TXNDC2: variants seen among roughly 807,000 people sequenced by gnomAD.
TXNDC2 encodes the protein thioredoxin domain-containing protein 2.
A neutral mutation model predicts 0.4 loss-of-function variants in TXNDC2; 1 was observed. The ratio of observed to expected loss-of-function variants is 2.30; its 90% CI spans 0.82 to 10.89. TXNDC2 has a LOEUF of 10.89. Among genes scored for constraint, TXNDC2 ranks in the 30% most tolerant of loss-of-function variants. The pLI is 0.12. For missense variants in TXNDC2, 509 were observed against 579.8 expected (o/e 0.88, Z 1.25); for synonymous variants, 183 against 224.6 (o/e 0.81, Z 1.66).
chr18:9,888,296 G>A lies in TXNDC2; in HGVS notation c.*155G>A, dbSNP rs904406031. ...TTAACTCTACCCTTTTCAAAAAACA[G>A]TCCAAGCATTAAAGTACATTGCGAC... On this transcript the variant is annotated 3_prime_UTR_variant, in exon 2 of 2. Transcript: ENST00000357775. The A allele has an allele frequency of 3.2e-6, 2 of 617,110 alleles. No individual in the cohort carries two copies. The highest frequency in any genetic ancestry group is 5.5e-5 in the East Asian group (2 of 36,362). 38.2% of individuals were successfully genotyped at this position (617,110 alleles called of 1,614,324 possible).
Position 9,886,549 on chromosome 18 carries a change from A to G in TXNDC2, c.-92-40A>G, listed in dbSNP as rs1567882049. On this transcript the variant is annotated intron_variant, in intron 1 of 1. Transcript: ENST00000357775. ...GGTTCTTCTTTTGCATTTCTATTTGATTTATTTTATTTTATTTTATTTTAT... is the reference window on the plus strand; with the variant it reads ...GGTTCTTCTTTTGCATTTCTATTTGGTTTATTTTATTTTATTTTATTTTAT... 6 of 1,418,084 alleles carry G rather than the reference A, an allele frequency of 4.2e-6. No individual in the cohort carries two copies. In the South Asian group the frequency reaches 5.7e-5, roughly 13 times the overall value. 87.8% of individuals were successfully genotyped at this position (1,418,084 alleles called of 1,614,324 possible).
rs1480157053 is a variant in TXNDC2, at chr18:9,886,731, G to A, written c.51G>A (p.Gln17=). Residue 17 remains glutamine (Q), a synonymous_variant, in exon 2 of 2, where the codon CAG becomes CAA. Transcript: ENST00000357775. ...HMRTEESDAS[Q]EGDDLPKSSA... The stretch of plus-strand genomic sequence containing the variant: ...GCACAGAGGAGTCTGATGCCTCACA[G>A]GAGGGCGATGACCTACCCAAGTCCT... 2.0e-5 allele frequency: 32 copies of A among 1,613,962 alleles called. No individual in the cohort carries two copies. Among genetic ancestry groups the A allele is most frequent in the Non-Finnish European group, 2.6e-5 (31 of 1,180,026 alleles).
rs975857867 is a variant in TXNDC2, at chr18:9,888,832, C to T, written c.*691C>T. Reference sequence around the variant, plus strand: ...TGGATCTTTGCTGCCTTTATGACATCAGTGCCCTGATGGCAGAGTTCCTGG... The same window carrying T: ...TGGATCTTTGCTGCCTTTATGACATTAGTGCCCTGATGGCAGAGTTCCTGG... On this transcript the variant is annotated 3_prime_UTR_variant, in exon 2 of 2. Transcript: ENST00000357775. 1.5e-4 allele frequency: 23 copies of T among 152,156 alleles called. No homozygotes were observed. The highest frequency in any genetic ancestry group is 5.6e-4 in the African/African-American group (23 of 41,436). The allele number at this position is 152,156 out of a possible 1,614,324, so 9.4% of individuals were successfully genotyped here. A position where few individuals can be genotyped will look rare whatever the true frequency, so the allele number is the denominator to read the frequency against.
intron 1 of TXNDC2, 156 bp from the exon 2 acceptor site, chr18:9,886,433 G>GT: frequency 2.1e-6 from 2 of 952,240 alleles, no homozygotes; most frequent in Non-Finnish European, 3.1e-6. Flanking sequence ...TGCTGAATGA[G>GT]TTTTTCAGAT....
chr18:9,889,270 C>A lies in TXNDC2; in HGVS notation c.*1129C>A, dbSNP rs903906903. 8 of 152,186 alleles carry A rather than the reference C, an allele frequency of 5.3e-5. No individual in the cohort carries two copies. The highest frequency in any genetic ancestry group is 3.9e-4 in the Admixed American group (6 of 15,278). 9.4% of individuals were successfully genotyped at this position (152,186 alleles called of 1,614,324 possible). A position where few individuals can be genotyped will look rare whatever the true frequency, so the allele number is the denominator to read the frequency against. ...AAAGTAATTAACACCTTCATTGCCT[C>A]CAGAAGTTTCCTTGTGTCACTGTGC... is the stretch of plus-strand genomic sequence containing the variant. On this transcript the variant is annotated 3_prime_UTR_variant, in exon 2 of 2. Coordinates refer to ENST00000357775, the MANE Select transcript of TXNDC2 (RefSeq NM_032243.6).
At position 9,887,933 on chromosome 18, in the gene TXNDC2, C is replaced by A; in HGVS notation, c.1253C>A (p.Thr418Asn). ...FSATWCGPCR[T>N]IRPFFHALSV... ...GCCACGTGGTGTGGGCCCTGCAGGACCATCAGACCATTCTTCCATGCCCTG... is the reference window on the plus strand; with the variant it reads ...GCCACGTGGTGTGGGCCCTGCAGGAACATCAGACCATTCTTCCATGCCCTG... The change falls in exon 2 of 2, where the codon ACC becomes AAC. Residue 418 changes from threonine to asparagine, a missense_variant. By Grantham distance (65) the Thr-to-Asn change is moderately conservative. Transcript: ENST00000357775. The A allele has an allele frequency of 6.2e-7, 1 of 1,614,150 alleles. No homozygotes were observed. The highest frequency in any genetic ancestry group is 1.6e-4 in the Middle Eastern group (1 of 6,062).
rs1280034354 is a variant in TXNDC2, at chr18:9,888,083, A to G, written c.1403A>G (p.Asp468Gly). 1.2e-6 allele frequency: 2 copies of G among 1,614,130 alleles called. No homozygotes were observed. The highest frequency in any genetic ancestry group is 4.5e-5 in the East Asian group (2 of 44,886). The change falls in exon 2 of 2, where the codon GAT becomes GGT. Residue 468 changes from aspartate (D) to glycine (G), a missense_variant. Physicochemically the swap from Asp to Gly is moderately conservative, Grantham distance 94. This residue lies in a region of TXNDC2 where 229 missense variants were observed against 243.8 expected (regional missense o/e 0.94). Transcript: ENST00000357775. ...TTTTATAAAAAAGAAGAAAAGGTGGATGAACTTTGCGGCGCCCTTAAGGAA... is the reference window on the plus strand; with the variant it reads ...TTTTATAAAAAAGAAGAAAAGGTGGGTGAACTTTGCGGCGCCCTTAAGGAA... ...FQFYKKEEKV[D>G]ELCGALKEKL...
intron 1 of TXNDC2, chr18:9,886,343 G>C (rs926290555): frequency 3.8e-5 from 55 of 1,462,802 alleles, no homozygotes; most frequent in Non-Finnish European, 5.2e-5. Flanking sequence ...AGCGGGCAGG[G>C]TGTTGAACCA....
rs751913144 is a variant in TXNDC2, at chr18:9,887,694, C to G, written c.1014C>G (p.Pro338=). 14 of 1,613,028 alleles carry G rather than the reference C, an allele frequency of 8.7e-6. No homozygotes were observed. In the Admixed American group the frequency reaches 2.3e-4, roughly 27 times the overall value. The change falls in exon 2 of 2, where the codon CCC becomes CCG. Residue 338 remains proline, a synonymous_variant. Transcript: ENST00000357775. ...EAIPPKEIDI[P]KSPEETIQPK... is the part of the protein sequence containing the mutation. ...TCCCACCCAAGGAGATTGACATCCC[C>G]AAGTCCCCAGAAGAAACCATCCAGC...
Position 9,886,634 on chromosome 18 carries a change from T to G in TXNDC2, c.-47T>G. 2.5e-6 allele frequency: 4 copies of G among 1,614,114 alleles called. No individual in the cohort carries two copies. Among genetic ancestry groups the G allele is most frequent in the Non-Finnish European group, 3.4e-6 (4 of 1,180,004 alleles). ...TCCAGCAACGTGCCTCTCCTGGCCC[T>G]AGAGTTCTTGGAAATAGCCCAGGCC... On this transcript the variant is annotated 5_prime_UTR_variant, in exon 2 of 2. Transcript: ENST00000357775.
rs765804353 is a variant in TXNDC2 at position 9,887,128 on chromosome 18, A to C, written c.448A>C (p.Ile150Leu). Reference protein sequence around the residue: ...GDIPKSSAKPIQPKLGNIAKT... With the variant: ...GDIPKSSAKPLQPKLGNIAKT... ...CATCCCCAAGTCCTCAGCAAAACCC[A>C]TCCAGCCCAAGCTGGGCAATATTGC... is the stretch of plus-strand genomic sequence containing the variant. The change falls in exon 2 of 2, where the codon ATC becomes CTC. Residue 150 changes from isoleucine to leucine, a missense_variant. Coordinates refer to ENST00000357775, the MANE Select transcript of TXNDC2 (RefSeq NM_032243.6). The C allele has an allele frequency of 8.1e-6, 13 of 1,597,158 alleles. No individual in the cohort carries two copies. The South Asian group carries it at 8.9e-5, about 11-fold the overall frequency.
Position 9,888,006 on chromosome 18 carries a change from C to T in TXNDC2, c.1326C>T (p.Asn442=). The T allele has an allele frequency of 6.2e-7, 1 of 1,614,142 alleles. No individual in the cohort carries two copies. The highest frequency in any genetic ancestry group is 8.5e-7 in the Non-Finnish European group (1 of 1,180,028). ...DVVFLEVDAD[N]CEEVVRECAI... is the part of the protein sequence containing the mutation. ...TGTTCCTGGAGGTGGACGCTGACAA[C>T]TGTGAGGAGGTGGTGAGAGAGTGCG... The change falls in exon 2 of 2, where the codon AAC becomes AAT. Residue 442 remains asparagine, a synonymous_variant. Coordinates refer to ENST00000357775, the MANE Select transcript of TXNDC2 (RefSeq NM_032243.6).
rs767870440 is a variant in TXNDC2 at position 9,886,817 on chromosome 18, A to C, written c.137A>C (p.Gln46Pro). Residue 46 changes from glutamine to proline, a missense_variant, in exon 2 of 2, where the codon CAG (glutamine) becomes CCG (proline). This residue lies in a region of TXNDC2 where 187 missense variants were observed against 218.0 expected (regional missense o/e 0.86). Coordinates refer to ENST00000357775, the MANE Select transcript of TXNDC2 (RefSeq NM_032243.6). ...DSPKSSEETIQPKEGDIPKAP... is the reference protein window; with the variant it reads ...DSPKSSEETIPPKEGDIPKAP... ...CCCAAGTCCTCAGAAGAAACCATCCAGCCCAAGGAGGGTGACATCCCCAAG... is the reference window on the plus strand; with the variant it reads ...CCCAAGTCCTCAGAAGAAACCATCCCGCCCAAGGAGGGTGACATCCCCAAG... The C allele has an allele frequency of 1.2e-6, 2 of 1,613,876 alleles. No homozygotes were observed. Among genetic ancestry groups the C allele is most frequent in the Admixed American group, 1.7e-5 (1 of 59,984 alleles).
At chr18:9,886,520 C>T (rs2068950192) in intron 1 of TXNDC2, 69 bp from the exon 2 acceptor site, 1 of 1,313,864 alleles carries the variant, frequency 7.6e-7, no homozygotes, top group African/African-American at 1.5e-5. Context: ...AAGAGAATTT[C>T]TTTGGTTCTT....
chr18:9,887,829 G>A lies in TXNDC2; in HGVS notation c.1149G>A (p.Val383=), dbSNP rs2068970436. 1 of 1,610,730 alleles carries A rather than the reference G, an allele frequency of 6.2e-7. No homozygotes were observed. The highest frequency in any genetic ancestry group is 2.2e-5 in the East Asian group (1 of 44,824). Reference sequence around the variant, plus strand: ...TGGAGTTCCCGGAGGGGGACAAGGTGAAAGTGATCCTGAGCAAGGAGGACT... The same window carrying A: ...TGGAGTTCCCGGAGGGGGACAAGGTAAAAGTGATCCTGAGCAAGGAGGACT... The part of the protein sequence containing the change: ...ETMEFPEGDK[V]KVILSKEDFE... The change falls in exon 2 of 2, where the codon GTG becomes GTA. Residue 383 remains valine, a synonymous_variant. Coordinates refer to ENST00000357775, the MANE Select transcript of TXNDC2 (RefSeq NM_032243.6).
chr18:9,887,390 A>T lies in TXNDC2; in HGVS notation c.710A>T (p.Glu237Val). ...GAGGGTGACCTCCCCAAGTCCCTAG[A>T]GGAAGCCATCCAGCCCAAGGAGGGT... ...PKEGDLPKSL[E>V]EAIQPKEGDI... Residue 237 changes from glutamate (E) to valine (V), a missense_variant, in exon 2 of 2, where the codon GAG (glutamate) becomes GTG (valine). Coordinates refer to ENST00000357775, the MANE Select transcript of TXNDC2 (RefSeq NM_032243.6). 6.8e-7 allele frequency: 1 copy of T among 1,479,958 alleles called. No homozygotes were observed. The highest frequency in any genetic ancestry group is 9.2e-7 in the Non-Finnish European group (1 of 1,090,668). 91.7% of individuals were successfully genotyped at this position (1,479,958 alleles called of 1,614,324 possible).
chr18:9,888,277 C>G lies in TXNDC2; in HGVS notation c.*136C>G. The G allele has an allele frequency of 4.4e-6, 3 of 681,032 alleles. No individual in the cohort carries two copies. Among genetic ancestry groups the G allele is most frequent in the Non-Finnish European group, 7.1e-6 (3 of 421,250 alleles). The allele number at this position is 681,032 out of a possible 1,614,324, so 42.2% of individuals were successfully genotyped here. A position where few individuals can be genotyped will look rare whatever the true frequency, so the allele number is the denominator to read the frequency against. On this transcript the variant is annotated 3_prime_UTR_variant, in exon 2 of 2. Transcript: ENST00000357775. ...CTGCTTGTACATGATAATATTAACTCTACCCTTTTCAAAAAACAGTCCAAG... is the reference window on the plus strand; with the variant it reads ...CTGCTTGTACATGATAATATTAACTGTACCCTTTTCAAAAAACAGTCCAAG...
At chr18:9,886,497 T>C in intron 1 of TXNDC2, 92 bp from the exon 2 acceptor site, 1 of 1,164,798 alleles carries the variant, frequency 8.6e-7, no homozygotes, top group Non-Finnish European at 1.2e-6. Flanking sequence ...ACATCAGTCT[T>C]CCTTGGAATA....
rs371272331 is a variant in TXNDC2 at position 9,886,193 on chromosome 18, C to T, written c.-93+113C>T. The T allele has an allele frequency of 1.4e-5, 23 of 1,614,008 alleles. 1 individual carries two copies. In the African/African-American group the frequency reaches 2.9e-4, roughly 21 times the overall value. Reference sequence around the variant, plus strand: ...ATCAGGAATGGATGTAGACAAGGAACTAGGAATGGAAAGTGTTAAAGCTGG... The same window carrying T: ...ATCAGGAATGGATGTAGACAAGGAATTAGGAATGGAAAGTGTTAAAGCTGG... On this transcript the variant is annotated intron_variant, in intron 1 of 1. Transcript: ENST00000357775.
Sources: allele counts gnomAD v4.1 joint callset, GRCh38; gene constraint gnomAD v4.1.1; regional missense constraint gnomAD v4.1.1; transcripts MANE v1.5; gene names NCBI Gene and HGNC (gene_info 2026-07-23, HGNC 2026-07-21).